Variants in TDRD5 observed in about 807,000 individuals in gnomAD.
TDRD5 encodes tudor domain containing 5, also known as tudor domain-containing protein 5.
TDRD5 carries 41 observed loss-of-function variants against 120.6 expected under a neutral mutation model. The observed-to-expected ratio is 0.34, with a 90% confidence interval of 0.26 to 0.44. TDRD5 has a LOEUF of 0.44. Among genes scored for constraint, TDRD5 ranks in the 20% least tolerant of loss-of-function variants. The pLI, the probability that TDRD5 is intolerant of heterozygous loss-of-function variation, is 1.00. For synonymous variants in TDRD5, 430 were observed against 433.7 expected, an observed-to-expected ratio of 0.99 and a Z score of 0.11; for missense variants, 1,006 against 1,221.2, an observed-to-expected ratio of 0.82 and a Z score of 2.63.
In TDRD5 at chr1:179,690,788, C is replaced by G; in HGVS notation, c.2953C>G (p.Gln985Glu). 6.2e-7 allele frequency: 1 copy of G among 1,614,210 alleles called. No individual in the cohort carries two copies. The highest frequency in any genetic ancestry group is 1.1e-5 in the South Asian group (1 of 91,088). ...AGACAAGCGTCAAGAATCTGTAGAC[C>G]AGCTGTCTTTGATTTTGTCTTATGA... ...YKDKRQESVD[Q>E]LSLILSYECQ... The change falls in exon 18 of 18, where the codon CAG (glutamine) becomes GAG (glutamate). Residue 985 changes from glutamine to glutamate, a missense_variant. Gln to Glu is a conservative substitution (Grantham distance 29). Transcript: ENST00000444136.
intron 17 of TDRD5, among the ~76,000 whole-genome samples, chr1:179,672,829 C>T (rs1027753820): frequency 4.6e-5 from 7 of 152,118 alleles, no homozygotes; most frequent in Non-Finnish European, 1.0e-4. Flanking sequence ...GCCAATTATC[C>T]TAGCACCATT....
chr1:179,601,369 C>T (rs374765098), intron 4 of TDRD5, among the ~76,000 whole-genome samples: 8 of 152,230 alleles, frequency 5.3e-5, no homozygotes, highest in East Asian at 1.9e-4. Context: ...CCCCATCACC[C>T]AAGCAGTATA....
chr1:179,592,867 A>G lies in TDRD5; in HGVS notation c.232+20A>G. ...TGAAAGGTAGGTTTAAGATTTTTGAAGGTCTATAAACTTTGTAATAAAAAC... is the reference window on the plus strand; with the variant it reads ...TGAAAGGTAGGTTTAAGATTTTTGAGGGTCTATAAACTTTGTAATAAAAAC... On this transcript the variant is annotated intron_variant, in intron 2 of 17. Coordinates refer to ENST00000444136, the MANE Select transcript of TDRD5 (RefSeq NM_001199085.3). 1 of 1,607,514 alleles carries G rather than the reference A, an allele frequency of 6.2e-7. No homozygotes were observed. The highest frequency in any genetic ancestry group is 8.5e-7 in the Non-Finnish European group (1 of 1,174,174).
At chr1:179,602,112 T>C (rs1572331536) in intron 4 of TDRD5, among the ~76,000 whole-genome samples, 1 of 152,328 alleles carries the variant, frequency 6.6e-6, no homozygotes, top group South Asian at 2.1e-4. Context: ...GGCCTACTTT[T>C]AGTTCTTTAA....
chr1:179,685,402 T>C (rs1558431423), intron 17 of TDRD5, among the ~76,000 whole-genome samples: 1 of 152,218 alleles, frequency 6.6e-6, no homozygotes, highest in Non-Finnish European at 1.5e-5. Flanking sequence ...CATTGGTCTA[T>C]ATCTCTGTTT....
At chr1:179,671,949 GGTGTGTGTGTGTGT>G (rs111855083) in intron 17 of TDRD5, among the ~76,000 whole-genome samples, 36 of 141,808 alleles carry the variant, frequency 2.5e-4, no homozygotes, top group South Asian at 9.5e-4. Flanking sequence ...AATATTCCAT[GGTGTGTGTGTGTGT>G]GTGTGTGTGT....
chr1:179,639,774 T>C, intron 9 of TDRD5, 65 bp from the exon 10 acceptor site: 1 of 1,538,830 alleles, frequency 6.5e-7, no homozygotes, highest in African/African-American at 1.4e-5. Flanking sequence ...GCTTGATACA[T>C]TGATAAAAAT....
chr1:179,593,558 A>C lies in TDRD5; in HGVS notation c.331A>C (p.Ile111Leu). Residue 111 changes from isoleucine (I) to leucine (L), a missense_variant, in exon 3 of 18, where the codon ATT (isoleucine) becomes CTT (leucine). This residue lies in a region of TDRD5 where 445 missense variants were observed against 515.5 expected (regional missense o/e 0.86). Coordinates refer to ENST00000444136, the MANE Select transcript of TDRD5 (RefSeq NM_001199085.3). The stretch of plus-strand genomic sequence containing the variant: ...CTCAATGCATAAGGGAAGACCTAGT[A>C]TTTATTCTGGACCGAGATCTCATCG... Reference protein sequence around the residue: ...RNSMHKGRPSIYSGPRSHRRV... With the variant: ...RNSMHKGRPSLYSGPRSHRRV... 1 of 1,614,244 alleles carries C rather than the reference A, an allele frequency of 6.2e-7. No individual in the cohort carries two copies. The highest frequency in any genetic ancestry group is 8.5e-7 in the Non-Finnish European group (1 of 1,180,048).
chr1:179,626,245 C>G (rs573326231), intron 6 of TDRD5, among the ~76,000 whole-genome samples: 1 of 152,160 alleles, frequency 6.6e-6, no homozygotes, highest in East Asian at 1.9e-4. Flanking sequence ...AAGAAGTAAA[C>G]AGCTGATACA....
At chr1:179,598,569 A>C (rs1675531511) in intron 4 of TDRD5, among the ~76,000 whole-genome samples, 1 of 152,198 alleles carries the variant, frequency 6.6e-6, no homozygotes, top group Admixed American at 6.5e-5. Flanking sequence ...CAATGCATAA[A>C]GCTTGCGCAT....
chr1:179,601,830 G>C (rs1675728760), intron 4 of TDRD5, among the ~76,000 whole-genome samples: 1 of 152,212 alleles, frequency 6.6e-6, no homozygotes, highest in Admixed American at 6.5e-5. Context: ...TTTTGAGATG[G>C]AGTCTTGCTC....
chr1:179,612,934 TCAAA>T (rs1676358936), intron 4 of TDRD5, among the ~76,000 whole-genome samples: 1 of 68,708 alleles, frequency 1.5e-5, no homozygotes, highest in African/African-American at 5.8e-5. Flanking sequence ...AGACTTTGTC[TCAAA>T]AAAAAAAAAA....
In TDRD5 at chr1:179,635,902, T is replaced by G. The variant is rs1247142611; in HGVS notation, c.1520+15T>G. 12 of 1,604,910 alleles carry G rather than the reference T, an allele frequency of 7.5e-6. No individual in the cohort carries two copies. In the South Asian group the frequency reaches 8.9e-5, roughly 12 times the overall value. On this transcript the variant is annotated intron_variant, in intron 9 of 17. Transcript: ENST00000444136. The stretch of plus-strand genomic sequence containing the variant: ...ATTGAAATGCGGTAGGAGTCTGTTG[T>G]TTTCAATGTGTTTTTCACATGTCTC...
chr1:179,669,586 CT>C (rs936271538), intron 17 of TDRD5, among the ~76,000 whole-genome samples, 182 bp downstream of exon 17: 6 of 152,116 alleles, frequency 3.9e-5, no homozygotes, highest in African/African-American at 1.4e-4. Context: ...TGCCACTCTT[CT>C]TTTTTTCTGC....
chr1:179,626,128 G>A (rs1213909664), intron 6 of TDRD5, among the ~76,000 whole-genome samples: 1 of 152,036 alleles, frequency 6.6e-6, no homozygotes, highest in Non-Finnish European at 1.5e-5. Flanking sequence ...ACGAGTTAGT[G>A]GGTGCAGCGC....
intron 15 of TDRD5, among the ~76,000 whole-genome samples, chr1:179,662,960 A>G (rs1679389869): frequency 6.6e-6 from 1 of 152,154 alleles, no homozygotes; most frequent in African/African-American, 2.4e-5. Context: ...GAGTCAGCAT[A>G]TTTGCTAATA....
intron 17 of TDRD5, among the ~76,000 whole-genome samples, chr1:179,669,898 T>C (rs1261837689): frequency 6.6e-6 from 1 of 152,202 alleles, no homozygotes; most frequent in Non-Finnish European, 1.5e-5. Flanking sequence ...TAGAGTTTCG[T>C]TTATGTTGTG....
chr1:179,654,295 A>G lies in TDRD5; in HGVS notation c.2255A>G (p.Asn752Ser). The G allele has an allele frequency of 6.5e-7, 1 of 1,549,970 alleles. No homozygotes were observed. The highest frequency in any genetic ancestry group is 2.4e-5 in the East Asian group (1 of 40,892). ...GAATTTGAGTCTTTGAAAACCTGTA[A>G]TAAGAGCTTTGAAGAAGATCCAAAG... ...DSEFESLKTC[N>S]KSFEEDPKWS... is the part of the protein sequence containing the mutation. Residue 752 changes from asparagine to serine, a missense_variant, in exon 14 of 18, where the codon AAT becomes AGT. Transcript: ENST00000444136.
At position 179,691,179 on chromosome 1, in the gene TDRD5, C is replaced by T. The variant is rs77454891; in HGVS notation, c.*236C>T. ...ATTTTATTCTGTGTCATTTTGTTCACCTTTGTTTTTAATGTAGTTTAAAGG... is the reference window on the plus strand; with the variant it reads ...ATTTTATTCTGTGTCATTTTGTTCATCTTTGTTTTTAATGTAGTTTAAAGG... On this transcript the variant is annotated 3_prime_UTR_variant, in exon 18 of 18. Coordinates refer to ENST00000444136, the MANE Select transcript of TDRD5 (RefSeq NM_001199085.3). The T allele has an allele frequency of 6.8e-3, 2,980 of 438,164 alleles. 88 individuals carry two copies. The highest frequency in any genetic ancestry group is 0.057 in the Admixed American group (1,300 of 22,976). 27.1% of individuals were successfully genotyped at this position (438,164 alleles called of 1,614,324 possible).
Sources: allele counts gnomAD v4.1 joint callset (sites outside exome capture counted in the v4.1 genomes callset), GRCh38; gene constraint gnomAD v4.1.1; regional missense constraint gnomAD v4.1.1; transcripts MANE v1.5; gene names NCBI Gene and HGNC (gene_info 2026-07-23, HGNC 2026-07-21).